The following SLC2A9 variants were observed in gnomAD, a reference collection of about 807,000 sequenced individuals.
SLC2A9 encodes solute carrier family 2 member 9, also known as solute carrier family 2, facilitated glucose transporter member 9.
A neutral mutation model predicts 50.6 loss-of-function variants in SLC2A9; 39 were observed. The observed-to-expected ratio is 0.77, with a 90% CI of 0.60 to 1.01. The LOEUF (loss-of-function observed/expected upper bound fraction) is 1.01. Among genes scored for constraint, SLC2A9 ranks in the 50% least tolerant of loss-of-function variants. SLC2A9 has a pLI of 0.00. For missense variants in SLC2A9, 686 were observed against 677.6 expected, an observed-to-expected ratio of 1.01 and a Z score of -0.14; for synonymous variants, 324 against 276.9, an observed-to-expected ratio of 1.17 and a Z score of -1.69.
intron 7 of SLC2A9, among the ~76,000 whole-genome samples, chr4:9,912,041 C>T (rs1373986587): frequency 6.6e-6 from 1 of 151,842 alleles, no homozygotes; most frequent in African/African-American, 2.4e-5. Context: ...ATCGCAAGGA[C>T]AAAAAACCAA....
At chr4:9,783,040 TGA>T (rs747780045) in intron 3 of SLC2A9, 49 of 1,614,126 alleles carry the variant, frequency 3.0e-5, no homozygotes, top group Non-Finnish European at 3.8e-5. Flanking sequence ...CCTGCGTCAG[TGA>T]GACCACCTTC....
intron 2 of SLC2A9, among the ~76,000 whole-genome samples, chr4:10,018,586 AGAT>A (rs954715517): frequency 2.0e-5 from 3 of 151,722 alleles, no homozygotes; most frequent in South Asian, 2.1e-4. Context: ...ATAGATAGAT[AGAT>A]AACAACAACA....
chr4:9,972,062 A>G (rs182002655), intron 5 of SLC2A9, among the ~76,000 whole-genome samples: 2 of 152,354 alleles, frequency 1.3e-5, no homozygotes, highest in African/African-American at 4.8e-5. Context: ...CACATGGTTT[A>G]CTATGGCACA....
intron 6 of SLC2A9, among the ~76,000 whole-genome samples, chr4:9,930,640 A>G (rs1436907916): frequency 1.3e-5 from 2 of 152,228 alleles, no homozygotes; most frequent in East Asian, 1.9e-4. Context: ...GAACCTACTC[A>G]TATTTGCAGA....
At chr4:9,955,667 C>G (rs11931794) in intron 5 of SLC2A9, among the ~76,000 whole-genome samples, 6,823 of 152,130 alleles carry the variant, frequency 0.045, 484 homozygotes, top group African/African-American at 0.15. Flanking sequence ...GTCTCTCCCT[C>G]TGCCTTATGC....
intron 6 of SLC2A9, among the ~76,000 whole-genome samples, chr4:9,933,435 C>A (rs1560332695): frequency 6.6e-6 from 1 of 152,150 alleles, no homozygotes; most frequent in African/African-American, 2.4e-5. Flanking sequence ...GCTCTCCCAG[C>A]CCTACTGGCA....
chr4:9,901,969 G>A (rs1472899114), intron 8 of SLC2A9, among the ~76,000 whole-genome samples: 1 of 152,206 alleles, frequency 6.6e-6, no homozygotes, highest in Non-Finnish European at 1.5e-5. Flanking sequence ...AAAGGTTGCA[G>A]CTCCTGATAG....
chr4:9,824,153 G>A (rs1211622172), downstream of SLC2A9, among the ~76,000 whole-genome samples: 1 of 152,048 alleles, frequency 6.6e-6, no homozygotes, highest in Non-Finnish European at 1.5e-5. Flanking sequence ...GAGTGGGACT[G>A]GTGGTTTTAT....
chr4:9,798,435 G>C (rs766237931), downstream of SLC2A9, among the ~76,000 whole-genome samples: 7 of 152,084 alleles, frequency 4.6e-5, no homozygotes, highest in African/African-American at 7.2e-5. Flanking sequence ...TGTCTTCATG[G>C]GTTACTTATA....
intron 10 of SLC2A9, among the ~76,000 whole-genome samples, chr4:9,868,037 G>C (rs945980585): frequency 6.6e-6 from 1 of 152,196 alleles, no homozygotes; most frequent in Non-Finnish European, 1.5e-5. Context: ...TCTCCACCAG[G>C]CGTGTCTTTA....
chr4:9,772,306 G>C (rs1219674975), intron 1 of SLC2A9, among the ~76,000 whole-genome samples: 1 of 151,498 alleles, frequency 6.6e-6, no homozygotes, highest in African/African-American at 2.5e-5. Flanking sequence ...ATGAATCAAT[G>C]ATAGCTTCCA....
At chr4:9,804,254 C>T (rs1205249322) in intron 3 of SLC2A9, among the ~76,000 whole-genome samples, 2 of 152,202 alleles carry the variant, frequency 1.3e-5, no homozygotes, top group Non-Finnish European at 2.9e-5. Context: ...TGAGTGGACT[C>T]AGGAGCCATG....
intron 5 of SLC2A9, among the ~76,000 whole-genome samples, chr4:9,969,078 G>A (rs1401384185): frequency 6.6e-6 from 1 of 152,046 alleles, no homozygotes; most frequent in Non-Finnish European, 1.5e-5. Flanking sequence ...TTAACTTTGA[G>A]ATTTTCCAGT....
At chr4:9,862,947 TC>T (rs1731882517) in intron 10 of SLC2A9, among the ~76,000 whole-genome samples, 1 of 152,060 alleles carries the variant, frequency 6.6e-6, no homozygotes. Flanking sequence ...CTCTTGCCTA[TC>T]AACCTTGCTT....
intron 10 of SLC2A9, chr4:9,880,436 G>A: frequency 1.0e-6 from 1 of 985,328 alleles, no homozygotes. Flanking sequence ...GGGGAGCCCA[G>A]CATTTAAAGC....
intron 10 of SLC2A9, among the ~76,000 whole-genome samples, chr4:9,854,657 C>T (rs942192430): frequency 1.3e-5 from 2 of 152,034 alleles, no homozygotes; most frequent in Non-Finnish European, 2.9e-5. Context: ...CACATACATA[C>T]ACAAAATAAA....
chr4:9,875,161 T>C (rs1734102913), intron 10 of SLC2A9, among the ~76,000 whole-genome samples: 2 of 105,976 alleles, frequency 1.9e-5, no homozygotes, highest in African/African-American at 3.5e-5. Context: ...GGATGCTGTG[T>C]CTTTAGAAAT....
At chr4:9,806,731 T>A (rs1722168331) in intron 3 of SLC2A9, among the ~76,000 whole-genome samples, 1 of 152,150 alleles carries the variant, frequency 6.6e-6, no homozygotes, top group Admixed American at 6.5e-5. Context: ...AGTGCCTAGC[T>A]TCACAGCAAC....
At position 9,908,266 on chromosome 4, in the gene SLC2A9, C is replaced by T; in HGVS notation, c.1082G>A (p.Gly361Glu). 1.2e-6 allele frequency: 2 copies of T among 1,614,034 alleles called. No individual in the cohort carries two copies. Among genetic ancestry groups the T allele is most frequent in the Non-Finnish European group, 1.7e-6 (2 of 1,179,940 alleles). ...AKIPYVTLSTGGIETLAAVFS... is the reference protein window; with the variant it reads ...AKIPYVTLSTEGIETLAAVFS... ...GACGGCAGCCAAAGTCTCGATGCCC[C>T]CTGTACTCAAGGTGACGTATGGGAT... is the stretch of plus-strand genomic sequence containing the variant. Residue 361 changes from glycine to glutamate, a missense_variant, in exon 8 of 12, where the codon GGG (glycine) becomes GAG (glutamate). Transcript: ENST00000264784.
Sources: allele counts gnomAD v4.1 joint callset (sites outside exome capture counted in the v4.1 genomes callset), GRCh38; gene constraint gnomAD v4.1.1; transcripts MANE v1.5; gene names NCBI Gene and HGNC (gene_info 2026-07-23, HGNC 2026-07-21).